The following CFAP47 variants were observed in gnomAD, a reference collection of about 807,000 sequenced individuals.
CFAP47 encodes cilia- and flagella-associated protein 47.
In CFAP47, 29 loss-of-function variants were observed where a neutral mutation model predicts 148.1. That is an observed-to-expected ratio of 0.20 (90% CI 0.15 to 0.27). The LOEUF (loss-of-function observed/expected upper bound fraction) is 0.27. Ranked by LOEUF, CFAP47 falls within the 10% of genes least tolerant of loss-of-function variation. The pLI, the probability that CFAP47 is intolerant of heterozygous loss-of-function variation, is 1.00. For missense variants in CFAP47, 1,872 were observed against 1,697.5 expected (o/e 1.10, Z -1.81); for synonymous variants, 664 against 577.3 (o/e 1.15, Z -2.15).
intron 39 of CFAP47, among the ~76,000 whole-genome samples, chrX:36,164,736 C>T (rs1365175460): frequency 9.0e-6 from 1 of 111,351 alleles, no homozygotes; most frequent in Non-Finnish European, 1.9e-5. Context: ...CAGAAATTTC[C>T]AACACCTCCC....
chrX:36,184,723 C>T (rs868990660), intron 40 of CFAP47, among the ~76,000 whole-genome samples: 3 of 111,464 alleles, frequency 2.7e-5, no homozygotes, highest in Middle Eastern at 4.7e-3. Context: ...CACCTGAGGT[C>T]GGGAGTTCGA....
intron 8 of CFAP47, 28 bp from the exon 9 acceptor site, chrX:35,966,537 T>A: frequency 1.0e-6 from 1 of 964,705 alleles, no homozygotes; most frequent in Non-Finnish European, 1.3e-6. Context: ...CAATTTATTA[T>A]TGGTTACTTT....
intron 39 of CFAP47, among the ~76,000 whole-genome samples, chrX:36,167,675 A>G (rs1939508764): frequency 9.0e-6 from 1 of 111,298 alleles, no homozygotes; most frequent in South Asian, 3.8e-4. Flanking sequence ...AGGCCTCCAA[A>G]TGGGAGCCAG....
At chrX:36,130,034 A>T (rs1002534039) in intron 33 of CFAP47, among the ~76,000 whole-genome samples, 3 of 111,588 alleles carry the variant, frequency 2.7e-5, no homozygotes, top group Non-Finnish European at 5.7e-5. Flanking sequence ...AATCACAGTA[A>T]GTTAGCATTT....
Position 35,966,168 on chromosome X carries a change from ATAAT to A in CFAP47, c.1411-395_1411-392del, listed in dbSNP as rs201321310. On this transcript the variant is annotated intron_variant, in intron 8 of 63. Coordinates refer to ENST00000378653, the MANE Select transcript of CFAP47 (RefSeq NM_001304548.2). The stretch of plus-strand genomic sequence containing the variant: ...AATAATTTTTTAAATAATTTTTTAA[ATAAT>A]TTCATTACTTAAAGTTACTAATATT... Among the ~76,000 whole-genome samples, 359 of 105,406 alleles carry A rather than the reference ATAAT, an allele frequency of 3.4e-3. 5 individuals are homozygous for A. Among genetic ancestry groups the A allele is most frequent in the African/African-American group, 0.011 (332 of 29,680 alleles). The allele number at this position is 105,406 out of a possible 115,157, so 91.5% of individuals were successfully genotyped here.
chrX:36,287,236 AC>A (rs1941143090), intron 51 of CFAP47, among the ~76,000 whole-genome samples: 1 of 111,917 alleles, frequency 8.9e-6, no homozygotes, highest in Non-Finnish European at 1.9e-5. Context: ...TAAATAATGT[AC>A]TTTTGAATAA....
intron 13 of CFAP47, among the ~76,000 whole-genome samples, chrX:35,972,173 A>G (rs1601909558): frequency 8.9e-6 from 1 of 111,753 alleles, no homozygotes; most frequent in East Asian, 2.8e-4. Flanking sequence ...TCGCAATTTA[A>G]TTTTAGAATG....
intron 33 of CFAP47, among the ~76,000 whole-genome samples, chrX:36,120,027 G>T (rs1210281247): frequency 1.9e-5 from 2 of 102,841 alleles, no homozygotes; most frequent in African/African-American, 3.6e-5. Flanking sequence ...ATGGAATCTC[G>T]CTCTGTTGCC....
intron 8 of CFAP47, among the ~76,000 whole-genome samples, chrX:35,961,914 A>G (rs1428383910): frequency 9.0e-6 from 1 of 111,254 alleles, no homozygotes; most frequent in East Asian, 2.8e-4. Context: ...GATGGTTAGA[A>G]TATTGATTAA....
At chrX:36,077,674 A>C (rs1459222637) in intron 29 of CFAP47, among the ~76,000 whole-genome samples, 4 of 111,273 alleles carry the variant, frequency 3.6e-5, no homozygotes, top group Non-Finnish European at 7.5e-5. Flanking sequence ...TCTGGGATGC[A>C]GCAAAAACAT....
At chrX:36,365,565 A>C (rs953830578) in intron 61 of CFAP47, 15 of 110,369 alleles carry the variant, frequency 1.4e-4, no homozygotes, top group African/African-American at 4.9e-4. Context: ...TGTTGTACAG[A>C]TTATTTCTTC....
chrX:36,054,568 A>C (rs1478547410), intron 26 of CFAP47, among the ~76,000 whole-genome samples: 1 of 111,435 alleles, frequency 9.0e-6, no homozygotes, highest in Non-Finnish European at 1.9e-5. Context: ...TATGTAATTT[A>C]ATTATTTAAA....
intron 35 of CFAP47, chrX:36,144,489 G>T: frequency 3.2e-6 from 3 of 923,355 alleles, no homozygotes; most frequent in Non-Finnish European, 4.2e-6. Flanking sequence ...TATCTTATTT[G>T]ATGGTTAATA....
chrX:36,287,891 T>C (rs1000242341), intron 51 of CFAP47, among the ~76,000 whole-genome samples: 30 of 112,214 alleles, frequency 2.7e-4, no homozygotes, highest in African/African-American at 9.7e-4. Context: ...TTGAAGAAGA[T>C]GCTTTCCAAC....
chrX:36,133,752 A>G (rs1346158186), intron 33 of CFAP47, among the ~76,000 whole-genome samples: 1 of 108,940 alleles, frequency 9.2e-6, no homozygotes, highest in Non-Finnish European at 1.9e-5. Context: ...TTTAAGGACA[A>G]CAGATACTGT....
chrX:36,300,297 T>A (rs1248767389), intron 52 of CFAP47, among the ~76,000 whole-genome samples: 5 of 108,395 alleles, frequency 4.6e-5, no homozygotes, highest in Non-Finnish European at 7.6e-5. Flanking sequence ...TATACTTATT[T>A]TTTTTTTTTT....
At position 35,956,281 on chromosome X, in the gene CFAP47, G is replaced by C. The variant is rs1200438192; in HGVS notation, c.1410+85G>C. 4 of 702,082 alleles carry C rather than the reference G, an allele frequency of 5.7e-6. No homozygotes were observed. The East Asian group carries it at 1.4e-4, about 24-fold the overall frequency. 57.9% of individuals were successfully genotyped at this position (702,082 alleles called of 1,213,427 possible). A position where few individuals can be genotyped will look rare whatever the true frequency, so the allele number is the denominator to read the frequency against. On this transcript the variant is annotated intron_variant, in intron 8 of 63. Coordinates refer to ENST00000378653, the MANE Select transcript of CFAP47 (RefSeq NM_001304548.2). ...CTATGCGGAGGATTAGAAACAACAT[G>C]TGTTCTACCAGTGTTTATAAATTGT...
chrX:36,116,825 T>C (rs1601989864), intron 33 of CFAP47, among the ~76,000 whole-genome samples: 1 of 111,791 alleles, frequency 8.9e-6, no homozygotes, highest in African/African-American at 3.3e-5. Context: ...CCTGTTGTGC[T>C]AGTAAATACT....
At chrX:36,298,609 T>C (rs1941267709) in intron 51 of CFAP47, among the ~76,000 whole-genome samples, 2 of 111,833 alleles carry the variant, frequency 1.8e-5, no homozygotes, top group Non-Finnish European at 3.8e-5. Context: ...TGGTGATTCT[T>C]ATGTGCAATA....
Sources: allele counts gnomAD v4.1 joint callset (sites outside exome capture counted in the v4.1 genomes callset), GRCh38; gene constraint gnomAD v4.1.1; transcripts MANE v1.5; gene names NCBI Gene and HGNC (gene_info 2026-07-23, HGNC 2026-07-21).